DAB1: variants seen among roughly 807,000 people sequenced by gnomAD.
DAB1 encodes the protein disabled homolog 1.
Under a neutral mutation model 64.6 loss-of-function variants are expected in DAB1, and 15 were observed. The observed-to-expected ratio is 0.23, with a 90% CI of 0.16 to 0.36. The LOEUF is 0.36. Ranked by LOEUF, DAB1 falls within the 10% of genes least tolerant of loss-of-function variation. The pLI is 1.00. For synonymous variants in DAB1, 235 were observed against 251.9 expected (o/e 0.93, Z 0.64); for missense variants, 596 against 706.7 (o/e 0.84, Z 1.78).
intron 2 of DAB1, among the ~76,000 whole-genome samples, chr1:57,233,796 G>A (rs959170370): frequency 2.6e-5 from 4 of 151,980 alleles, no homozygotes; most frequent in Non-Finnish European, 5.9e-5. Flanking sequence ...CTGCTGCCAG[G>A]TGAGTGGTAC....
intron 2 of DAB1, among the ~76,000 whole-genome samples, chr1:58,519,835 A>G (rs1280675596): frequency 6.6e-6 from 1 of 152,250 alleles, no homozygotes; most frequent in African/African-American, 2.4e-5. Context: ...GAAATTTATA[A>G]AAGAGCATCA....
At chr1:58,079,118 G>T (rs1330383465) in intron 5 of DAB1, among the ~76,000 whole-genome samples, 1 of 152,162 alleles carries the variant, frequency 6.6e-6, no homozygotes, top group Non-Finnish European at 1.5e-5. Flanking sequence ...AGAAACAAAG[G>T]CTCAGAGAAG....
intron 7 of DAB1, among the ~76,000 whole-genome samples, chr1:57,630,983 G>A (rs1027613041): frequency 6.6e-6 from 1 of 152,102 alleles, no homozygotes; most frequent in Non-Finnish European, 1.5e-5. Flanking sequence ...TATTACTGCA[G>A]TTCAAAAAAT....
At chr1:57,000,598 A>AT in intron 14 of DAB1, among the ~76,000 whole-genome samples, 2 of 152,326 alleles carry the variant, frequency 1.3e-5, no homozygotes, top group South Asian at 4.2e-4. Context: ...TGTAAGGCTA[A>AT]ACATGTAACT....
chr1:57,377,441 G>A (rs1680999342), intron 1 of DAB1, among the ~76,000 whole-genome samples: 1 of 152,078 alleles, frequency 6.6e-6, no homozygotes, highest in South Asian at 2.1e-4. Flanking sequence ...GAAATCTTTG[G>A]GGAGAGGTGC....
intron 2 of DAB1, among the ~76,000 whole-genome samples, chr1:57,157,554 T>C (rs1045864255): frequency 1.1e-4 from 16 of 149,598 alleles, no homozygotes; most frequent in African/African-American, 4.0e-4. Context: ...GATCTCTTTT[T>C]GTGCATGCAC....
chr1:57,835,223 A>G (rs77645328), intron 1 of DAB1, among the ~76,000 whole-genome samples: 252 of 152,260 alleles, frequency 1.7e-3, no homozygotes, highest in African/African-American at 5.8e-3. Flanking sequence ...ATATCAGGCA[A>G]TGCTATGATC....
chr1:57,367,286 A>G (rs571938333), intron 1 of DAB1, among the ~76,000 whole-genome samples: 1 of 152,038 alleles, frequency 6.6e-6, no homozygotes, highest in East Asian at 1.9e-4. Flanking sequence ...AAAAAAACAA[A>G]AAAAAGTCAC....
At chr1:58,276,117 T>A (rs1661436946) in intron 4 of DAB1, among the ~76,000 whole-genome samples, 1 of 152,190 alleles carries the variant, frequency 6.6e-6, no homozygotes, top group African/African-American at 2.4e-5. Context: ...AGTCAGATTA[T>A]TCATAGAGAC....
At chr1:57,310,989 C>T (rs992003683) in intron 1 of DAB1, among the ~76,000 whole-genome samples, 3 of 151,232 alleles carry the variant, frequency 2.0e-5, no homozygotes, top group South Asian at 2.1e-4. Context: ...GAGCAAGAGC[C>T]CATCTCTAAA....
intron 2 of DAB1, among the ~76,000 whole-genome samples, chr1:58,506,635 A>G (rs1410331022): frequency 6.6e-6 from 1 of 152,198 alleles, no homozygotes; most frequent in African/African-American, 2.4e-5. Context: ...TATTAAGAAC[A>G]TGTATTAAGG....
intron 1 of DAB1, among the ~76,000 whole-genome samples, chr1:57,872,242 G>A (rs544827334): frequency 6.6e-6 from 1 of 152,164 alleles, no homozygotes; most frequent in Non-Finnish European, 1.5e-5. Flanking sequence ...AATTTCCAAT[G>A]TGATGGTATT....
At chr1:57,446,546 C>T (rs1316719040) in intron 7 of DAB1, among the ~76,000 whole-genome samples, 2 of 146,292 alleles carry the variant, frequency 1.4e-5, no homozygotes, top group East Asian at 2.0e-4. Context: ...TGCAGTGAGC[C>T]GAGATCGCGC....
intron 5 of DAB1, among the ~76,000 whole-genome samples, chr1:58,131,017 T>C (rs1570395208): frequency 2.2e-5 from 3 of 136,132 alleles, no homozygotes; most frequent in Admixed American, 7.4e-5. Context: ...CTTGCTAGAT[T>C]GGGGAAGTTC....
At position 57,407,767 on chromosome 1, in the gene DAB1, AGTGTGTGTGTGTGTGTGT is replaced by A. The variant is rs3991224; in HGVS notation, c.-137+16145_-137+16162del. On this transcript the variant is annotated intron_variant, in intron 1 of 14. Coordinates refer to ENST00000371236, the MANE Select transcript of DAB1 (RefSeq NM_001365792.1). ...GAAGATGGAAGAGGAAGATATCTGA[AGTGTGTGTGTGTGTGTGT>A]GTGTGTGTGTGTGTGTGTGTGTGTT... Among the ~76,000 whole-genome samples, 100 of 147,026 alleles carry A rather than the reference AGTGTGTGTGTGTGTGTGT, an allele frequency of 6.8e-4. 2 individuals carry two copies. In the East Asian group the frequency reaches 0.01, roughly 15 times the overall value.
chr1:57,293,626 G>C (rs1672961137), intron 1 of DAB1, among the ~76,000 whole-genome samples: 1 of 152,186 alleles, frequency 6.6e-6, no homozygotes, highest in Admixed American at 6.5e-5. Flanking sequence ...CTTTACAAAG[G>C]AGGAAATTGA....
intron 4 of DAB1, among the ~76,000 whole-genome samples, chr1:58,261,996 G>A (rs551598517): frequency 2.8e-4 from 43 of 152,336 alleles, no homozygotes; most frequent in African/African-American, 9.9e-4. Flanking sequence ...AACGGAGTCT[G>A]AAAGACGATT....
intron 1 of DAB1, among the ~76,000 whole-genome samples, chr1:57,383,998 TTA>T (rs148959146): frequency 0.084 from 12,809 of 151,930 alleles, 583 homozygotes; most frequent in Middle Eastern, 0.11. Context: ...AAATCATATA[TTA>T]TAAGGGGTTA....
intron 6 of DAB1, among the ~76,000 whole-genome samples, chr1:57,820,549 G>C (rs1419608813): frequency 2.0e-5 from 3 of 152,138 alleles, no homozygotes. Flanking sequence ...ATCTACAGCT[G>C]GGTTATATTT....
Sources: allele counts gnomAD v4.1 joint callset (sites outside exome capture counted in the v4.1 genomes callset), GRCh38; gene constraint gnomAD v4.1.1; transcripts MANE v1.5; gene names NCBI Gene and HGNC (gene_info 2026-07-23, HGNC 2026-07-21).